The following NUBPL variants were observed in gnomAD, a reference collection of about 807,000 sequenced individuals.
The protein encoded by NUBPL is NUBP iron-sulfur cluster assembly factor, mitochondrial.
A neutral mutation model predicts 45.7 loss-of-function variants in NUBPL; 31 were observed. The observed-to-expected ratio is 0.68, with a 90% confidence interval of 0.51 to 0.92. The LOEUF (loss-of-function observed/expected upper bound fraction) is 0.92. Among genes scored for constraint, NUBPL ranks in the 40% least tolerant of loss-of-function variants. NUBPL has a pLI of 0.00. For missense variants in NUBPL, 401 were observed against 398.7 expected (o/e 1.01, Z -0.05); for synonymous variants, 144 against 140.9 (o/e 1.02, Z -0.15).
At chr14:31,565,430 C>T (rs1566416180) in intron 3 of NUBPL, among the ~76,000 whole-genome samples, 1 of 152,152 alleles carries the variant, frequency 6.6e-6, no homozygotes, top group East Asian at 1.9e-4. Context: ...AAATGGAATA[C>T]GTGTGTAATG....
At chr14:31,771,564 A>T (rs2039010189) in intron 6 of NUBPL, among the ~76,000 whole-genome samples, 1 of 152,194 alleles carries the variant, frequency 6.6e-6, no homozygotes, top group Non-Finnish European at 1.5e-5. Context: ...TAGGAACATG[A>T]CTTGAGTCAC....
At chr14:31,788,163 T>G (rs1313329477) in intron 7 of NUBPL, among the ~76,000 whole-genome samples, 2 of 152,276 alleles carry the variant, frequency 1.3e-5, no homozygotes, top group East Asian at 3.9e-4. Flanking sequence ...GAGAATTTAT[T>G]GAAGAAAGTA....
chr14:31,570,767 C>G (rs2033560729), intron 3 of NUBPL, among the ~76,000 whole-genome samples: 2 of 152,196 alleles, frequency 1.3e-5, no homozygotes, highest in Non-Finnish European at 2.9e-5. Context: ...AGAGTGCCTA[C>G]TCTGTCCCAA....
chr14:31,600,781 G>C (rs56112227), intron 4 of NUBPL, among the ~76,000 whole-genome samples: 22,970 of 150,564 alleles, frequency 0.15, 4,962 homozygotes, highest in African/African-American at 0.49. Flanking sequence ...GTCAATTTTG[G>C]CTTTTGTTGC....
intron 6 of NUBPL, among the ~76,000 whole-genome samples, chr14:31,702,714 G>A (rs1333231343): frequency 6.6e-6 from 1 of 152,124 alleles, no homozygotes; most frequent in Non-Finnish European, 1.5e-5. Flanking sequence ...TACTAGGATG[G>A]TTTTTTAAAA....
intron 3 of NUBPL, among the ~76,000 whole-genome samples, chr14:31,599,055 A>G (rs1471954785): frequency 6.6e-6 from 1 of 152,208 alleles, no homozygotes; most frequent in Admixed American, 6.5e-5. Context: ...GGATTTCTCT[A>G]TCAGTTGTCT....
chr14:31,569,507 T>G (rs1412574808), intron 3 of NUBPL, among the ~76,000 whole-genome samples: 1 of 152,204 alleles, frequency 6.6e-6, no homozygotes, highest in East Asian at 1.9e-4. Context: ...TGCATTGAGG[T>G]TTTAAAAGCA....
At chr14:31,607,565 A>C (rs1266122734) in intron 4 of NUBPL, among the ~76,000 whole-genome samples, 1 of 152,074 alleles carries the variant, frequency 6.6e-6, no homozygotes, top group Non-Finnish European at 1.5e-5. Context: ...TTCAAGCTGA[A>C]ATTCTTGAGC....
chr14:31,693,800 T>TAA (rs60070958), intron 6 of NUBPL, among the ~76,000 whole-genome samples: 1,217 of 94,554 alleles, frequency 0.013, 19 homozygotes, highest in African/African-American at 0.047. Flanking sequence ...AAGACAAAAT[T>TAA]AAAAAAAAAA....
rs545706719 is a variant in NUBPL at position 31,606,776 on chromosome 14, G to C, written c.382+7397G>C. On this transcript the variant is annotated intron_variant, in intron 4 of 10. Coordinates refer to ENST00000281081, the MANE Select transcript of NUBPL (RefSeq NM_025152.3). ...CAGCTTGAGGTCTGTAGTTGTCCAA[G>C]GTTTTGATGGGGGTTGTTGGAATAT... 1.1e-4 allele frequency among the ~76,000 whole-genome samples: 16 copies of C among 152,254 alleles called. No homozygotes were observed. The East Asian group carries it at 2.1e-3, about 20-fold the overall frequency.
chr14:31,654,139 G>A (rs1246260158), intron 4 of NUBPL: 1 of 453,332 alleles, frequency 2.2e-6, no homozygotes, highest in Admixed American at 2.4e-5. Flanking sequence ...AATAAAGTAA[G>A]CAACATGAAT....
intron 8 of NUBPL, among the ~76,000 whole-genome samples, chr14:31,834,260 A>G (rs1024930705): frequency 7.2e-6 from 1 of 139,816 alleles, no homozygotes; most frequent in African/African-American, 2.8e-5. Flanking sequence ...GGCTCACTGC[A>G]ACCTCCGCCT....
At chr14:31,844,654 C>T (rs115601359) in intron 8 of NUBPL, 7 of 147,396 alleles carry the variant, frequency 4.7e-5, no homozygotes, top group South Asian at 2.2e-4. Flanking sequence ...ACAATTTTTT[C>T]GCCTTCTTAT....
chr14:31,637,654 C>G (rs988264657), intron 4 of NUBPL, among the ~76,000 whole-genome samples: 1 of 152,186 alleles, frequency 6.6e-6, no homozygotes, highest in African/African-American at 2.4e-5. Flanking sequence ...TGTTAACTTT[C>G]TGTCTCATTG....
intron 7 of NUBPL, among the ~76,000 whole-genome samples, chr14:31,797,843 A>T (rs1482453896): frequency 7.6e-6 from 1 of 132,074 alleles, no homozygotes; most frequent in Non-Finnish European, 1.6e-5. Context: ...TGGTCTTTAC[A>T]TTTTGGCATG....
chr14:31,824,407 A>T (rs114418924), intron 7 of NUBPL, among the ~76,000 whole-genome samples: 1 of 152,196 alleles, frequency 6.6e-6, no homozygotes, highest in Non-Finnish European at 1.5e-5. Flanking sequence ...TTTTTATTAT[A>T]AGATTACTTA....
chr14:31,798,301 TGG>T (rs1397760458), intron 7 of NUBPL, among the ~76,000 whole-genome samples: 64 of 109,934 alleles, frequency 5.8e-4, no homozygotes, highest in African/African-American at 2.8e-3. Flanking sequence ...TATTTATTTA[TGG>T]TTTTTTTTTT....
intron 9 of NUBPL, among the ~76,000 whole-genome samples, chr14:31,848,819 A>G (rs954055892): frequency 9.2e-5 from 14 of 152,246 alleles, no homozygotes; most frequent in African/African-American, 2.7e-4. Context: ...AGATGGCTAT[A>G]TAAAGGTGAA....
rs1035829239 is a variant in NUBPL at position 31,584,285 on chromosome 14, C to T, written c.292-15004C>T. 4.6e-5 allele frequency among the ~76,000 whole-genome samples: 7 copies of T among 152,174 alleles called. 1 individual carries two copies. The highest frequency in any genetic ancestry group is 4.2e-4 in the South Asian group (2 of 4,818). On this transcript the variant is annotated intron_variant, in intron 3 of 10. Coordinates refer to ENST00000281081, the MANE Select transcript of NUBPL (RefSeq NM_025152.3). ...GACTACAGGCATGTGCCACCACTCC[C>T]GGCTGATTTTTTAATTTTTTGTAGA...
Sources: gnomAD v4.1 joint callset for allele counts (sites outside exome capture counted in the v4.1 genomes callset) on GRCh38, gnomAD v4.1.1 for gene constraint, MANE v1.5 for transcripts, NCBI Gene and HGNC (gene_info 2026-07-23, HGNC 2026-07-21) for gene names.